The following GNA14 variants were observed in gnomAD, a reference collection of about 807,000 sequenced individuals.
The protein encoded by GNA14 is G protein subunit alpha 14, also known as guanine nucleotide-binding protein subunit alpha-14.
GNA14 carries 50 observed loss-of-function variants against 42.0 expected under a neutral mutation model. The observed-to-expected ratio is 1.19, with a 90% CI of 0.95 to 1.51. GNA14 has a LOEUF of 1.51. GNA14 is among the 40% of genes most tolerant of loss of function. GNA14 has a pLI of 0.00. For synonymous variants in GNA14, 173 were observed against 163.1 expected, an observed-to-expected ratio of 1.06 and a Z score of -0.46; for missense variants, 473 against 446.2, an observed-to-expected ratio of 1.06 and a Z score of -0.54.
At chr9:77,615,870 T>C (rs985806493) in intron 1 of GNA14, among the ~76,000 whole-genome samples, 4 of 118,984 alleles carry the variant, frequency 3.4e-5, no homozygotes, top group East Asian at 3.2e-4. Context: ...TTTTGGGGTT[T>C]TTTTTTTGGA....
intron 2 of GNA14, among the ~76,000 whole-genome samples, chr9:77,453,597 CCATT>C (rs1835950711): frequency 6.6e-6 from 1 of 151,930 alleles, no homozygotes; most frequent in Non-Finnish European, 1.5e-5. Context: ...AAACTCTTAA[CCATT>C]CAGTCACTTA....
intron 2 of GNA14, among the ~76,000 whole-genome samples, chr9:77,444,683 G>T (rs1401552453): frequency 6.6e-6 from 1 of 152,134 alleles, no homozygotes; most frequent in African/African-American, 2.4e-5. Context: ...AGCCAACACG[G>T]TTCAGTCCCC....
intron 2 of GNA14, among the ~76,000 whole-genome samples, chr9:77,455,703 A>G (rs1459779037): frequency 6.6e-6 from 1 of 152,196 alleles, no homozygotes; most frequent in African/African-American, 2.4e-5. Flanking sequence ...GGAGTTAAGA[A>G]CCAAGACCCC....
chr9:77,561,320 C>G (rs1322881934), intron 1 of GNA14, among the ~76,000 whole-genome samples: 1 of 152,046 alleles, frequency 6.6e-6, no homozygotes, highest in Admixed American at 6.6e-5. Context: ...TAATTTGTTC[C>G]CTCAAATGAA....
chr9:77,504,545 A>C (rs2131745423), intron 2 of GNA14, among the ~76,000 whole-genome samples: 1 of 114,540 alleles, frequency 8.7e-6, no homozygotes, highest in South Asian at 2.7e-4. Context: ...TTAAAAAAAA[A>C]AAAAGAGAGA....
chr9:77,573,770 T>C (rs1257435557), intron 1 of GNA14, among the ~76,000 whole-genome samples: 1 of 152,154 alleles, frequency 6.6e-6, no homozygotes, highest in African/African-American at 2.4e-5. Flanking sequence ...CTACCCTTTG[T>C]TTTTATAACT....
chr9:77,455,022 A>G (rs73456129), intron 2 of GNA14, among the ~76,000 whole-genome samples: 14,308 of 152,174 alleles, frequency 0.094, 843 homozygotes, highest in African/African-American at 0.16. Flanking sequence ...GATGATCTCA[A>G]AGTTTCTGTA....
At chr9:77,488,726 T>G (rs1282381817) in intron 2 of GNA14, among the ~76,000 whole-genome samples, 5 of 139,868 alleles carry the variant, frequency 3.6e-5, no homozygotes, top group Admixed American at 3.1e-4. Flanking sequence ...TGTTTTAGTG[T>G]GAGGAAAAAT....
intron 1 of GNA14, among the ~76,000 whole-genome samples, chr9:77,564,899 C>T (rs775312544): frequency 4.3e-4 from 66 of 152,034 alleles, no homozygotes; most frequent in Non-Finnish European, 7.4e-4. Context: ...TGCTTCCAGT[C>T]CAGGGGCGTT....
At chr9:77,645,216 C>T (rs1824334504) in intron 1 of GNA14, among the ~76,000 whole-genome samples, 1 of 152,194 alleles carries the variant, frequency 6.6e-6, no homozygotes, top group Admixed American at 6.5e-5. Flanking sequence ...TCCAAACTCC[C>T]ATTTGCAAAG....
At chr9:77,621,490 A>C (rs1823920964) in intron 1 of GNA14, among the ~76,000 whole-genome samples, 1 of 152,250 alleles carries the variant, frequency 6.6e-6, no homozygotes, top group African/African-American at 2.4e-5. Context: ...TCACCAGACC[A>C]TGCCTAATTG....
intron 1 of GNA14, among the ~76,000 whole-genome samples, chr9:77,628,777 TA>T (rs36127069): frequency 2.0e-5 from 3 of 152,002 alleles, no homozygotes; most frequent in African/African-American, 7.3e-5. Context: ...CCTAAAACCA[TA>T]AAAACCCTAG....
chr9:77,587,549 G>T (rs2117877422), intron 1 of GNA14, among the ~76,000 whole-genome samples: 1 of 149,766 alleles, frequency 6.7e-6, no homozygotes, highest in Middle Eastern at 3.4e-3. Context: ...GCCAGAAGAC[G>T]CAAAAGTCAC....
At chr9:77,564,835 A>T (rs78760092) in intron 1 of GNA14, among the ~76,000 whole-genome samples, 1 of 15,650 alleles carries the variant, frequency 6.4e-5, no homozygotes, top group Non-Finnish European at 1.5e-4. Flanking sequence ...TCTGTCTATT[A>T]AAAAAAAAAA....
At chr9:77,501,821 C>T (rs1186710432) in intron 2 of GNA14, among the ~76,000 whole-genome samples, 2 of 151,564 alleles carry the variant, frequency 1.3e-5, no homozygotes, top group Non-Finnish European at 2.9e-5. Flanking sequence ...CCCCATTCTC[C>T]TGCCTCAGCC....
chr9:77,590,837 C>G (rs977893841), intron 1 of GNA14, among the ~76,000 whole-genome samples: 1 of 152,084 alleles, frequency 6.6e-6, no homozygotes, highest in African/African-American at 2.4e-5. Context: ...CTCTTAAACC[C>G]TTAGAAAAGC....
intron 2 of GNA14, among the ~76,000 whole-genome samples, chr9:77,452,142 G>T (rs535341967): frequency 1.1e-4 from 17 of 152,124 alleles, no homozygotes; most frequent in Non-Finnish European, 5.9e-5. Context: ...AAATACACTG[G>T]TCCTGTCAGC....
In GNA14 at chr9:77,501,947, T is replaced by A. The variant is rs181868357; in HGVS notation, c.309+27122A>T. On this transcript the variant is annotated intron_variant, in intron 2 of 6. Transcript: ENST00000341700. ...GATGGTCGATCTCTTGACTTCGTGA[T>A]CCACCTGCCTCAGCCTCCCAAAGTG... 1.7e-3 allele frequency among the ~76,000 whole-genome samples: 256 copies of A among 152,240 alleles called. 2 individuals carry two copies. The highest frequency in any genetic ancestry group is 5.4e-3 in the African/African-American group (224 of 41,558).
chr9:77,581,664 T>C (rs1823225647), intron 1 of GNA14, among the ~76,000 whole-genome samples: 1 of 152,200 alleles, frequency 6.6e-6, no homozygotes, highest in Non-Finnish European at 1.5e-5. Context: ...AGGAAGTAAA[T>C]GCTTGATAAA....
Sources: allele counts gnomAD v4.1 joint callset (sites outside exome capture counted in the v4.1 genomes callset), GRCh38; gene constraint gnomAD v4.1.1; transcripts MANE v1.5; gene names NCBI Gene and HGNC (gene_info 2026-07-23, HGNC 2026-07-21).